The following AMBRA1 variants were observed in gnomAD, a reference collection of about 807,000 sequenced individuals.
AMBRA1 encodes the protein activating molecule in BECN1-regulated autophagy protein 1.
Under a neutral mutation model 125.4 loss-of-function variants are expected in AMBRA1, and 47 were observed. The ratio of observed to expected loss-of-function variants is 0.37; its 90% CI spans 0.30 to 0.48. The LOEUF (loss-of-function observed/expected upper bound fraction) is 0.48, where lower values mean the gene tolerates loss of function less well. Among genes scored for constraint, AMBRA1 ranks in the 20% least tolerant of loss-of-function variants. The pLI is 0.99. For missense variants in AMBRA1, 1,331 were observed against 1,693.4 expected (o/e 0.79, Z 3.76); for synonymous variants, 626 against 655.5 (o/e 0.95, Z 0.69).
chr11:46,410,014 A>C (rs1825640925), intron 16 of AMBRA1, among the ~76,000 whole-genome samples: 1 of 152,130 alleles, frequency 6.6e-6, no homozygotes, highest in Non-Finnish European at 1.5e-5. Flanking sequence ...TCCTCACCCC[A>C]AGTGTGCCCA....
At chr11:46,509,981 G>T (rs1028830753) in intron 8 of AMBRA1, among the ~76,000 whole-genome samples, 5 of 152,100 alleles carry the variant, frequency 3.3e-5, no homozygotes, top group African/African-American at 1.2e-4. Context: ...ACCAACCCAG[G>T]TCACAGTCAA....
chr11:46,463,670 A>G (rs1949196972), intron 11 of AMBRA1, among the ~76,000 whole-genome samples: 1 of 152,196 alleles, frequency 6.6e-6, no homozygotes, highest in African/African-American at 2.4e-5. Flanking sequence ...GCACTTCCAA[A>G]ATTCCTAAAA....
intron 1 of AMBRA1, among the ~76,000 whole-genome samples, chr11:46,586,556 A>G (rs2044407984): frequency 6.6e-6 from 1 of 152,246 alleles, no homozygotes; most frequent in Admixed American, 6.5e-5. Flanking sequence ...TTCCCTATTA[A>G]AGTTTTCCCA....
intron 12 of AMBRA1, among the ~76,000 whole-genome samples, chr11:46,440,113 A>C (rs908553715): frequency 6.6e-6 from 1 of 152,198 alleles, no homozygotes; most frequent in Non-Finnish European, 1.5e-5. Context: ...TATCCTAGAG[A>C]TATACCTGCA....
intron 1 of AMBRA1, among the ~76,000 whole-genome samples, chr11:46,583,607 C>G (rs1456640770): frequency 1.2e-5 from 1 of 80,134 alleles, no homozygotes; most frequent in Non-Finnish European, 2.2e-5. Flanking sequence ...ACTCATCTGA[C>G]AAAGGGCTAA....
At chr11:46,444,862 G>T (rs192809278) in intron 11 of AMBRA1, among the ~76,000 whole-genome samples, 1 of 152,028 alleles carries the variant, frequency 6.6e-6, no homozygotes, top group African/African-American at 2.4e-5. Context: ...GCACTCTTCC[G>T]GTTGCTGCTG....
intron 17 of AMBRA1, among the ~76,000 whole-genome samples, chr11:46,400,458 C>G (rs1945687253): frequency 1.3e-5 from 1 of 76,710 alleles, no homozygotes; most frequent in Non-Finnish European, 2.6e-5. Context: ...CCTCATGCTT[C>G]TAGTTCTTTC....
chr11:46,480,133 C>G (rs1950001585), intron 11 of AMBRA1, among the ~76,000 whole-genome samples: 1 of 152,132 alleles, frequency 6.6e-6, no homozygotes, highest in Admixed American at 6.5e-5. Context: ...CTTTTAATAG[C>G]TCATGTAATC....
At chr11:46,422,315 A>G (rs1392209661) in intron 14 of AMBRA1, among the ~76,000 whole-genome samples, 1 of 152,196 alleles carries the variant, frequency 6.6e-6, no homozygotes, top group Non-Finnish European at 1.5e-5. Flanking sequence ...GGGAAATAGA[A>G]TCAATATGCT....
chr11:46,592,970 G>A (rs2044660777), intron 1 of AMBRA1, among the ~76,000 whole-genome samples: 1 of 148,406 alleles, frequency 6.7e-6, no homozygotes, highest in Admixed American at 6.6e-5. Context: ...AGACAACAAG[G>A]TTATCAGGAA....
At position 46,515,473 on chromosome 11, in the gene AMBRA1, A is replaced by AAAAC. The variant is rs147206577; in HGVS notation, c.2073-2664_2073-2661dup. On this transcript the variant is annotated intron_variant, in intron 7 of 17. Coordinates refer to ENST00000683756, the MANE Select transcript of AMBRA1 (RefSeq NM_001387011.1). ...GGGTGACAGAGTGAGACTGCATCTCAAAACAAACAAACAAACAAACAAACA... is the reference window on the plus strand; with the variant it reads ...GGGTGACAGAGTGAGACTGCATCTCAAAACAAACAAACAAACAAACAAACAAACA... 3.1e-3 allele frequency among the ~76,000 whole-genome samples: 465 copies of AAAAC among 151,376 alleles called. 4 individuals are homozygous for AAAAC. The highest frequency in any genetic ancestry group is 3.4e-3 in the Non-Finnish European group (234 of 67,856).
At chr11:46,557,058 C>T (rs1184449684) in intron 1 of AMBRA1, among the ~76,000 whole-genome samples, 2 of 151,734 alleles carry the variant, frequency 1.3e-5, no homozygotes, top group Non-Finnish European at 2.9e-5. Context: ...ATCCCTTGAA[C>T]CCGGGAGGTG....
At chr11:46,477,827 G>C (rs866110344) in intron 11 of AMBRA1, among the ~76,000 whole-genome samples, 5 of 152,110 alleles carry the variant, frequency 3.3e-5, no homozygotes, top group Non-Finnish European at 5.9e-5. Context: ...TGTAATCCCA[G>C]CACTTTGGGA....
chr11:46,404,044 A>G (rs1166466662), intron 17 of AMBRA1, among the ~76,000 whole-genome samples: 1 of 152,136 alleles, frequency 6.6e-6, no homozygotes, highest in East Asian at 1.9e-4. Flanking sequence ...TACAACAAAC[A>G]AAATAAACAA....
In AMBRA1 at chr11:46,547,547, A is replaced by G. The variant is rs1004176761; in HGVS notation, c.195-251T>C. ...ATTTTTTCCCACTGGAAAAACCATC[A>G]TACCACTGGTGAGCTGTATCACACA... On this transcript the variant is annotated intron_variant, in intron 3 of 17. Transcript: ENST00000683756. 1.1e-5 allele frequency: 6 copies of G among 565,472 alleles called. No individual in the cohort carries two copies. In the East Asian group the frequency reaches 1.4e-4, roughly 13 times the overall value. The allele number at this position is 565,472 out of a possible 1,614,324, so 35.0% of individuals were successfully genotyped here.
chr11:46,548,150 T>C, intron 2 of AMBRA1, 96 bp downstream of exon 2: 3 of 1,539,890 alleles, frequency 1.9e-6, no homozygotes, highest in Non-Finnish European at 2.7e-6. Context: ...CCACACAAGA[T>C]AAATATATCC....
chr11:46,460,847 G>C (rs1172942652), intron 11 of AMBRA1, among the ~76,000 whole-genome samples: 1 of 152,162 alleles, frequency 6.6e-6, no homozygotes, highest in African/African-American at 2.4e-5. Flanking sequence ...AACACTTTGA[G>C]AGGCCAGGGT....
intron 11 of AMBRA1, among the ~76,000 whole-genome samples, chr11:46,486,925 A>AT (rs1565209476): frequency 6.7e-6 from 1 of 148,482 alleles, no homozygotes; most frequent in African/African-American, 2.5e-5. Flanking sequence ...AAATAAATAA[A>AT]TAAATAAATA....
At chr11:46,492,815 T>G (rs1175648505) in intron 11 of AMBRA1, among the ~76,000 whole-genome samples, 1 of 152,210 alleles carries the variant, frequency 6.6e-6, no homozygotes, top group East Asian at 1.9e-4. Flanking sequence ...TTCGGGAGGC[T>G]GAGGCAGGCA....
Sources: allele counts gnomAD v4.1 joint callset (sites outside exome capture counted in the v4.1 genomes callset), GRCh38; gene constraint gnomAD v4.1.1; transcripts MANE v1.5; gene names NCBI Gene and HGNC (gene_info 2026-07-23, HGNC 2026-07-21).